EHD4: variants seen among roughly 807,000 people sequenced by gnomAD.
The protein encoded by EHD4 is EH domain-containing protein 4.
EHD4 carries 37 observed loss-of-function variants against 51.0 expected under a neutral mutation model. That is an observed-to-expected ratio of 0.73 (90% CI 0.56 to 0.95). The LOEUF is 0.95. EHD4 is among the 40% of genes least tolerant of loss of function. The pLI is 0.00. For missense variants in EHD4, 632 were observed against 733.1 expected, an observed-to-expected ratio of 0.86 and a Z score of 1.59; for synonymous variants, 297 against 317.3, an observed-to-expected ratio of 0.94 and a Z score of 0.68.
intron 1 of EHD4, among the ~76,000 whole-genome samples, chr15:41,967,716 A>C (rs759787081): frequency 9.2e-5 from 14 of 152,178 alleles, no homozygotes; most frequent in Non-Finnish European, 1.6e-4. Context: ...GAGTCTAGAA[A>C]CTTATCAAGG....
At chr15:41,966,913 G>C (rs2067965240) in intron 1 of EHD4, among the ~76,000 whole-genome samples, 1 of 152,102 alleles carries the variant, frequency 6.6e-6, no homozygotes, top group Non-Finnish European at 1.5e-5. Flanking sequence ...TCTCACTTAA[G>C]AGTCCTGTGC....
At chr15:41,925,734 A>G (rs16972285) in intron 3 of EHD4, among the ~76,000 whole-genome samples, 3,920 of 152,292 alleles carry the variant, frequency 0.026, 377 homozygotes, top group East Asian at 0.22. Flanking sequence ...TAGGAGAAAG[A>G]ATTTGTCCTG....
chr15:41,933,275 A>G (rs1189249028), intron 3 of EHD4, among the ~76,000 whole-genome samples: 2 of 152,176 alleles, frequency 1.3e-5, no homozygotes, highest in Admixed American at 6.5e-5. Context: ...CAGGTACATG[A>G]AACCTGAATT....
chr15:41,908,372 T>C (rs954701934), intron 5 of EHD4: 2 of 152,178 alleles, frequency 1.3e-5, no homozygotes, highest in African/African-American at 4.8e-5. Flanking sequence ...TGCTGGCCCT[T>C]GCCTCTTCTG....
intron 2 of EHD4, 126 bp from the exon 3 acceptor site, chr15:41,943,290 A>G: frequency 1.5e-6 from 1 of 657,200 alleles, no homozygotes; most frequent in Non-Finnish European, 2.5e-6. Flanking sequence ...AGACTGACAG[A>G]AACTGAGGAT....
Position 41,953,895 on chromosome 15 carries a change from C to G in EHD4, c.282G>C (p.Glu94Asp). 1 of 1,613,700 alleles carries G rather than the reference C, an allele frequency of 6.2e-7. No individual in the cohort carries two copies. The highest frequency in any genetic ancestry group is 1.1e-5 in the South Asian group (1 of 90,972). ...CGGCGATGAAGGAGTCTGTGGTGGG[C>G]TCCGGACCAATCCTCATGCCTGGGA... ...QDFPGMRIGP[E>D]PTTDSFIAVM... Residue 94 changes from glutamate (E) to aspartate (D), a missense_variant, in exon 2 of 6, where the codon GAG becomes GAC. By Grantham distance (45) the Glu-to-Asp change is conservative. Transcript: ENST00000220325.
chr15:41,920,785 C>G (rs1054112917), intron 3 of EHD4, among the ~76,000 whole-genome samples: 1 of 152,110 alleles, frequency 6.6e-6, no homozygotes, highest in Non-Finnish European at 1.5e-5. Context: ...CAGAAAAGAA[C>G]AAGAGTAAAA....
intron 3 of EHD4, among the ~76,000 whole-genome samples, chr15:41,930,548 A>T (rs1020143274): frequency 5.3e-5 from 8 of 152,260 alleles, no homozygotes; most frequent in African/African-American, 1.9e-4. Flanking sequence ...CAACGGGATG[A>T]CAACTGGGGT....
rs2067449732 is a variant in EHD4, at chr15:41,897,845, CCT to C, written c.*2798_*2799del. ...AGTTCTAGAGTTTAGGTACTTCCACCCTCTCTCCTATACATAAACACTCTGTG... is the reference window on the plus strand; with the variant it reads ...AGTTCTAGAGTTTAGGTACTTCCACCCTCTCCTATACATAAACACTCTGTG... On this transcript the variant is annotated 3_prime_UTR_variant, in exon 6 of 6. Coordinates refer to ENST00000220325, the MANE Select transcript of EHD4 (RefSeq NM_139265.4). 6.6e-6 allele frequency: 1 copy of C among 152,214 alleles called. No homozygotes were observed. Among genetic ancestry groups the C allele is most frequent in the Admixed American group, 6.5e-5 (1 of 15,284 alleles). The allele number at this position is 152,214 out of a possible 1,614,324, so 9.4% of individuals were successfully genotyped here.
intron 3 of EHD4, among the ~76,000 whole-genome samples, chr15:41,933,072 C>T (rs1353102416): frequency 6.6e-6 from 1 of 152,224 alleles, no homozygotes; most frequent in East Asian, 1.9e-4. Context: ...GAAAGAGGCT[C>T]ACAGGGCCCC....
intron 2 of EHD4, among the ~76,000 whole-genome samples, chr15:41,952,724 T>C (rs547134565): frequency 1.3e-5 from 2 of 152,132 alleles, no homozygotes; most frequent in East Asian, 3.9e-4. Flanking sequence ...GTGTGGTGGC[T>C]CACATCTGTA....
intron 1 of EHD4, among the ~76,000 whole-genome samples, chr15:41,962,880 A>G (rs1048798522): frequency 2.0e-4 from 30 of 152,356 alleles, no homozygotes; most frequent in African/African-American, 7.2e-4. Context: ...AAAGAAAGAG[A>G]GATCAGATTG....
In EHD4 at chr15:41,900,909, G is replaced by A; in HGVS notation, c.1362C>T (p.Leu454=). The A allele has an allele frequency of 1.9e-6, 3 of 1,614,186 alleles. No homozygotes were observed. Among genetic ancestry groups the A allele is most frequent in the Non-Finnish European group, 2.5e-6 (3 of 1,180,032 alleles). Residue 454 remains leucine, a synonymous_variant, in exon 6 of 6, where the codon CTC becomes CTT. Transcript: ENST00000220325. The surrounding 1 kb of genome is among the most constrained non-coding windows in gnomAD (Gnocchi z 4.8). ...VAKDKPVYDE[L]FYTLSPINGK... ...CATTGATGGGCGACAGAGTGTAGAA[G>A]AGCTCGTCGTAGACGGGCTTGTCTT...
Position 41,900,966 on chromosome 15 carries a change from C to T in EHD4, c.1305G>A (p.Glu435=). Residue 435 remains glutamate (E), a synonymous_variant, in exon 6 of 6, where the codon GAG becomes GAA. Coordinates refer to ENST00000220325, the MANE Select transcript of EHD4 (RefSeq NM_139265.4). This position sits in a 1 kb window ranked among gnomAD's most constrained non-coding sequence, Gnocchi z 4.8. ...CGACCCACTCCTCCTCGTCGGCGCC[C>T]TCCTTGGCACCCTCCCCGTAGCCCT... The part of the protein sequence containing the change: ...FNQGYGEGAK[E]GADEEEWVVA... The T allele has an allele frequency of 6.2e-7, 1 of 1,611,688 alleles. No homozygotes were observed.
chr15:41,936,223 C>T (rs1159276890), intron 3 of EHD4, among the ~76,000 whole-genome samples: 2 of 152,150 alleles, frequency 1.3e-5, no homozygotes, highest in Non-Finnish European at 1.5e-5. Flanking sequence ...TCCCAAGGCA[C>T]GAATGCTGGG....
chr15:41,919,706 C>T, intron 3 of EHD4, 84 bp from the exon 4 acceptor site: 1 of 1,319,570 alleles, frequency 7.6e-7, no homozygotes, highest in Non-Finnish European at 9.9e-7. Flanking sequence ...TCTCGCTCTC[C>T]AGCAGCTGCC....
intron 3 of EHD4, among the ~76,000 whole-genome samples, chr15:41,931,283 A>C (rs979498095): frequency 1.3e-5 from 2 of 152,194 alleles, no homozygotes; most frequent in African/African-American, 4.8e-5. Context: ...AGGCTGAGGC[A>C]GGTGAATCAC....
chr15:41,943,937 G>A (rs2140999913), intron 2 of EHD4, among the ~76,000 whole-genome samples: 1 of 152,334 alleles, frequency 6.6e-6, no homozygotes, highest in East Asian at 1.9e-4. Context: ...AGGGGACCAG[G>A]TTGGGGAAGG....
intron 1 of EHD4, among the ~76,000 whole-genome samples, chr15:41,970,227 C>T (rs2067986952): frequency 6.6e-6 from 1 of 152,366 alleles, no homozygotes; most frequent in Admixed American, 6.5e-5. Flanking sequence ...CCTCACCAAG[C>T]TTCCTGCCCA....
Sources: gnomAD v4.1 joint callset for allele counts (sites outside exome capture counted in the v4.1 genomes callset) on GRCh38, gnomAD v4.1.1 for gene constraint, Gnocchi (gnomAD v3.1) non-coding constraint, MANE v1.5 for transcripts, NCBI Gene and HGNC (gene_info 2026-07-23, HGNC 2026-07-21) for gene names.